The following PDIA5 variants were observed in gnomAD, a reference collection of about 807,000 sequenced individuals.
PDIA5 encodes protein disulfide-isomerase A5.
PDIA5 carries 58 observed loss-of-function variants against 77.6 expected under a neutral mutation model. The ratio of observed to expected loss-of-function variants is 0.75; its 90% CI spans 0.61 to 0.93. The LOEUF is 0.93. PDIA5 is among the 40% of genes least tolerant of loss of function. The pLI is 0.00. For synonymous variants in PDIA5, 250 were observed against 252.1 expected, an observed-to-expected ratio of 0.99 and a Z score of 0.08; for missense variants, 630 against 647.7, an observed-to-expected ratio of 0.97 and a Z score of 0.30.
chr3:123,137,355 G>A (rs1297610278), intron 11 of PDIA5, among the ~76,000 whole-genome samples: 2 of 152,106 alleles, frequency 1.3e-5, no homozygotes, highest in Non-Finnish European at 2.9e-5. Context: ...TTTCTGCTAG[G>A]TCTTTTTATT....
chr3:123,150,040 A>G (rs1205981325), intron 13 of PDIA5, among the ~76,000 whole-genome samples, 194 bp from the exon 14 acceptor site: 1 of 152,200 alleles, frequency 6.6e-6, no homozygotes, highest in Non-Finnish European at 1.5e-5. Context: ...CTCAGAGGGA[A>G]TCAGGGAAGG....
intron 8 of PDIA5, among the ~76,000 whole-genome samples, chr3:123,123,239 T>G (rs1935161623): frequency 6.6e-6 from 1 of 152,230 alleles, no homozygotes; most frequent in South Asian, 2.1e-4. Context: ...ATCATGCCAC[T>G]GCAGAGGGAG....
chr3:123,146,260 G>GT lies in PDIA5; in HGVS notation c.1142+2dup. ...AGAAGTTTCTCGAGTGGATGCAAAA[G>GT]TAAGTGTTACGATCTCAGTAGCACA... On this transcript the variant is annotated splice_donor_variant, in intron 13 of 16. Transcript: ENST00000316218. LOFTEE classifies it high-confidence loss of function. 3 of 1,613,574 alleles carry GT rather than the reference G, an allele frequency of 1.9e-6. No homozygotes were observed. The highest frequency in any genetic ancestry group is 1.7e-6 in the Non-Finnish European group (2 of 1,179,624).
intron 6 of PDIA5, among the ~76,000 whole-genome samples, chr3:123,110,508 C>T (rs1297151587): frequency 6.6e-6 from 1 of 152,112 alleles, no homozygotes. Context: ...AACAGCCACC[C>T]GCAGCACAAC....
chr3:123,157,051 C>A (rs2107994822), intron 15 of PDIA5, among the ~76,000 whole-genome samples: 1 of 152,320 alleles, frequency 6.6e-6, no homozygotes, highest in Non-Finnish European at 1.5e-5. Context: ...TTGTCTTGGG[C>A]CAGTGGTGTT....
At chr3:123,126,524 C>G (rs778456111) in intron 10 of PDIA5, among the ~76,000 whole-genome samples, 9 of 151,766 alleles carry the variant, frequency 5.9e-5, no homozygotes, top group Admixed American at 2.0e-4. Flanking sequence ...AGTCCTCCCC[C>G]ACCCTATTAC....
At chr3:123,076,350 A>G (rs1933857978) in intron 1 of PDIA5, among the ~76,000 whole-genome samples, 5 of 152,100 alleles carry the variant, frequency 3.3e-5, no homozygotes, top group Admixed American at 3.3e-4. Context: ...TCTGCCTATA[A>G]ACACTCATTG....
In PDIA5 at chr3:123,124,911, G is replaced by A. The variant is rs1935206390; in HGVS notation, c.773+568G>A. On this transcript the variant is annotated intron_variant, in intron 10 of 16. Transcript: ENST00000316218. ...CCTTAGGTTTGCTGAGTGCTTTACT[G>A]TTCAACCCCCACAGGCATTGCTTCA... Among the ~76,000 whole-genome samples the A allele has an allele frequency of 1.3e-5, 2 of 152,148 alleles. 1 individual carries two copies. Among genetic ancestry groups the A allele is most frequent in the Admixed American group, 1.3e-4 (2 of 15,276 alleles).
chr3:123,128,631 C>T (rs1168117976), intron 10 of PDIA5, among the ~76,000 whole-genome samples: 1 of 152,168 alleles, frequency 6.6e-6, no homozygotes, highest in Non-Finnish European at 1.5e-5. Context: ...CCTCAGCCTC[C>T]TGAGTAGCTG....
At chr3:123,139,408 G>A (rs923694736) in intron 11 of PDIA5, among the ~76,000 whole-genome samples, 1 of 152,190 alleles carries the variant, frequency 6.6e-6, no homozygotes, top group East Asian at 1.9e-4. Flanking sequence ...GCCTGGCCAG[G>A]CTCCTCATCT....
At chr3:123,154,722 C>A (rs191540672) in intron 14 of PDIA5, among the ~76,000 whole-genome samples, 23 of 152,318 alleles carry the variant, frequency 1.5e-4, no homozygotes, top group Non-Finnish European at 2.9e-4. Flanking sequence ...CAGTGACCAT[C>A]GCCCCCCAGC....
At chr3:123,150,133 T>G (rs1298356543) in intron 13 of PDIA5, 101 bp from the exon 14 acceptor site, 1 of 788,978 alleles carries the variant, frequency 1.3e-6, no homozygotes, top group East Asian at 2.5e-5. Context: ...GGTTTCTTCA[T>G]GCATGTTCCC....
chr3:123,086,593 C>G (rs527865746), intron 1 of PDIA5, among the ~76,000 whole-genome samples: 1 of 152,302 alleles, frequency 6.6e-6, no homozygotes, highest in African/African-American at 2.4e-5. Context: ...ATGGTTGCCC[C>G]TTTTTATTGA....
rs571050333 is a variant in PDIA5, at chr3:123,154,246, G to C, written c.1274-725G>C. Among the ~76,000 whole-genome samples, 4 of 152,298 alleles carry C rather than the reference G, an allele frequency of 2.6e-5. No homozygotes were observed. In the South Asian group the frequency reaches 6.2e-4, roughly 24 times the overall value. On this transcript the variant is annotated intron_variant, in intron 14 of 16. Coordinates refer to ENST00000316218, the MANE Select transcript of PDIA5 (RefSeq NM_006810.4). Reference sequence around the variant, plus strand: ...GCCCCAGTATAGCTCAAAGGCCTTAGGCTGCTCTGACAAGCCTTCTCCCTG... The same window carrying C: ...GCCCCAGTATAGCTCAAAGGCCTTACGCTGCTCTGACAAGCCTTCTCCCTG...
intron 5 of PDIA5, among the ~76,000 whole-genome samples, chr3:123,105,761 A>T (rs1263045473): frequency 2.0e-5 from 3 of 151,950 alleles, no homozygotes; most frequent in African/African-American, 7.3e-5. Flanking sequence ...ACACACACAC[A>T]CATACACTCT....
chr3:123,147,765 C>T (rs768453092), intron 13 of PDIA5, among the ~76,000 whole-genome samples: 2 of 152,210 alleles, frequency 1.3e-5, no homozygotes, highest in African/African-American at 2.4e-5. Context: ...CCCTCAAGGC[C>T]TTCTGGTGTC....
At chr3:123,102,719 A>G in intron 4 of PDIA5, 32 bp from the exon 5 acceptor site, 3 of 1,550,546 alleles carry the variant, frequency 1.9e-6, no homozygotes, top group Non-Finnish European at 2.7e-6. Flanking sequence ...AACCATTCTT[A>G]AAGTTAACAC....
At chr3:123,091,376 C>A (rs949606660) in intron 2 of PDIA5, among the ~76,000 whole-genome samples, 1 of 152,132 alleles carries the variant, frequency 6.6e-6, no homozygotes, top group African/African-American at 2.4e-5. Flanking sequence ...GAGAAAGCAG[C>A]AGATCGCTCT....
intron 1 of PDIA5, among the ~76,000 whole-genome samples, chr3:123,072,912 C>CTGTGTGTGTGTGTGTGTG (rs66567660): frequency 0.043 from 6,262 of 146,848 alleles, 373 homozygotes; most frequent in Admixed American, 0.17. Flanking sequence ...ACCTCTCCTT[C>CTGTGTGTGTGTGTGTGTG]TGTGTGTGTG....
Sources: gnomAD v4.1 joint callset for allele counts (sites outside exome capture counted in the v4.1 genomes callset) on GRCh38, gnomAD v4.1.1 for gene constraint, MANE v1.5 for transcripts, NCBI Gene and HGNC (gene_info 2026-07-23, HGNC 2026-07-21) for gene names.